The following MTNAP1 variants were observed in gnomAD, a reference collection of about 807,000 sequenced individuals.
MTNAP1 encodes the protein mitochondrial nucleoid-associated protein 1.
At chr17:73,239,970 C>T in the MTNAP1 span, among the ~76,000 whole-genome samples, 2 of 152,258 alleles carry the variant, frequency 1.3e-5, no homozygotes, top group African/African-American at 4.8e-5. Flanking sequence ...GTCAGGTGAA[C>T]CTGGAGGTAT....
chr17:73,233,872 C>CAA, the MTNAP1 span, among the ~76,000 whole-genome samples: 78 of 147,034 alleles, frequency 5.3e-4, no homozygotes, highest in East Asian at 8.5e-3. Context: ...GACTCCATCT[C>CAA]AAAAAAAAAA....
chr17:73,234,775 G>C, the MTNAP1 span, among the ~76,000 whole-genome samples: 4 of 144,690 alleles, frequency 2.8e-5, no homozygotes, highest in African/African-American at 1.1e-4. Flanking sequence ...ATGTATATCT[G>C]TGTGTGTGTG....
chr17:73,236,703 C>G, the MTNAP1 span: 88 of 1,614,042 alleles, frequency 5.5e-5, no homozygotes, highest in Non-Finnish European at 7.2e-5. Context: ...TGGAGAGTCC[C>G]GAGGGACAGT....
At chr17:73,239,685 A>G in the MTNAP1 span, among the ~76,000 whole-genome samples, 265 of 145,628 alleles carry the variant, frequency 1.8e-3, 1 homozygote, top group African/African-American at 6.4e-3. Context: ...CGCCCAGCTA[A>G]TTTTTTTTTT....
At chr17:73,245,207 A>G in the MTNAP1 span, 1 of 1,613,408 alleles carries the variant, frequency 6.2e-7, no homozygotes, top group African/African-American at 1.3e-5. Flanking sequence ...CCTGGACATC[A>G]CTTAAAGCTC....
At chr17:73,245,678 G>T in the MTNAP1 span, 1 of 985,412 alleles carries the variant, frequency 1.0e-6, no homozygotes, top group South Asian at 4.7e-5. Context: ...ACCAGATCTT[G>T]ATAAGGTGTG....
At chr17:73,234,793 A>G in the MTNAP1 span, among the ~76,000 whole-genome samples, 70,915 of 143,842 alleles carry the variant, frequency 0.49, 17,384 homozygotes, top group East Asian at 0.61. Context: ...GTGTGTGTGT[A>G]TATGCATATT....
the MTNAP1 span, chr17:73,248,587 T>G: frequency 3.9e-6 from 6 of 1,530,966 alleles, no homozygotes; most frequent in Non-Finnish European, 5.3e-6. Flanking sequence ...GTAATCCATA[T>G]TCACCTTCCC....
At chr17:73,248,773 T>A in the MTNAP1 span, 2 of 475,250 alleles carry the variant, frequency 4.2e-6, no homozygotes, top group Non-Finnish European at 7.5e-6. Flanking sequence ...CCTTGTTTAA[T>A]CCTGAATAAT....
chr17:73,245,141 C>T, the MTNAP1 span: 1 of 1,612,702 alleles, frequency 6.2e-7, no homozygotes, highest in Non-Finnish European at 8.5e-7. Context: ...CTCTCGGATC[C>T]TTACATTTGT....
At chr17:73,242,015 A>G in the MTNAP1 span, among the ~76,000 whole-genome samples, 8 of 152,346 alleles carry the variant, frequency 5.3e-5, no homozygotes, top group South Asian at 6.2e-4. Context: ...CCAAAAAACA[A>G]GTAGACGCCC....
the MTNAP1 span, chr17:73,235,627 C>T: frequency 6.2e-7 from 1 of 1,614,058 alleles, no homozygotes; most frequent in Non-Finnish European, 8.5e-7. Context: ...GCCAGCTACA[C>T]TCCCACGTGC....
chr17:73,238,389 G>C, the MTNAP1 span, among the ~76,000 whole-genome samples: 2 of 152,028 alleles, frequency 1.3e-5, no homozygotes, highest in Admixed American at 1.3e-4. Flanking sequence ...GAGAAAAACT[G>C]GTATTATCTC....
At chr17:73,243,175 A>T in the MTNAP1 span, 1 of 663,106 alleles carries the variant, frequency 1.5e-6, no homozygotes. Flanking sequence ...TTTTTTTGAG[A>T]TACAGTTTTG....
chr17:73,242,877 C>T, the MTNAP1 span: 844,946 of 1,596,442 alleles, frequency 0.53, 224,813 homozygotes, highest in East Asian at 0.64. Flanking sequence ...AACAACAAGC[C>T]GTGTTTCCTT....
At chr17:73,232,668 T>G in the MTNAP1 span, 2 of 214,088 alleles carry the variant, frequency 9.3e-6, no homozygotes, top group Non-Finnish European at 1.8e-5. Flanking sequence ...CTGGGGGGCT[T>G]CCCTGGGGGG....
chr17:73,245,581 A>T, the MTNAP1 span: 1 of 985,420 alleles, frequency 1.0e-6, no homozygotes. Context: ...CCAGACTACT[A>T]CCTATATGTT....
the MTNAP1 span, among the ~76,000 whole-genome samples, chr17:73,243,715 G>A: frequency 6.6e-6 from 1 of 151,886 alleles, no homozygotes; most frequent in Non-Finnish European, 1.5e-5. Flanking sequence ...TGTATTTTTA[G>A]TAGAGACAGG....
At chr17:73,232,712 T>A in the MTNAP1 span, 1 of 181,114 alleles carries the variant, frequency 5.5e-6, no homozygotes, top group African/African-American at 2.3e-5. Context: ...TTTCAGGTCT[T>A]CCGAGGTGAG....
Sources: gnomAD v4.1 joint callset for allele counts (sites outside exome capture counted in the v4.1 genomes callset) on GRCh38, gnomAD v4.1.1 for gene constraint, MANE v1.5 for transcripts, NCBI Gene and HGNC (gene_info 2026-07-23, HGNC 2026-07-21) for gene names.